The following ZNF385D variants were observed in gnomAD, a reference collection of about 807,000 sequenced individuals.
ZNF385D encodes zinc finger protein 385D, also known as zinc finger protein 659.
ZNF385D carries 15 observed loss-of-function variants against 35.8 expected under a neutral mutation model. The observed-to-expected ratio is 0.42, with a 90% CI of 0.28 to 0.64. The LOEUF (loss-of-function observed/expected upper bound fraction) is 0.64. Ranked by LOEUF, ZNF385D falls within the 30% of genes least tolerant of loss-of-function variation. The probability of loss-of-function intolerance (pLI) is 0.23; values close to 1 mark genes in which losing one functional copy is unlikely to be tolerated. For synonymous variants in ZNF385D, 212 were observed against 186.8 expected (o/e 1.13, Z -1.10); for missense variants, 474 against 494.6 (o/e 0.96, Z 0.39).
intron 4 of ZNF385D, among the ~76,000 whole-genome samples, chr3:21,446,659 A>G (rs1702171527): frequency 6.6e-6 from 1 of 151,546 alleles, no homozygotes; most frequent in African/African-American, 2.4e-5. Flanking sequence ...ACACCTGGCT[A>G]ATTTTTGTAT....
At chr3:22,081,892 C>G (rs969636343) in intron 3 of ZNF385D, among the ~76,000 whole-genome samples, 1 of 151,932 alleles carries the variant, frequency 6.6e-6, no homozygotes. Flanking sequence ...TATAAATGAT[C>G]TTAGCTAACA....
At chr3:21,752,470 T>G (rs1051312590), upstream of ZNF385D, among the ~76,000 whole-genome samples, 1 of 152,192 alleles carries the variant, frequency 6.6e-6, no homozygotes, top group African/African-American at 2.4e-5. Context: ...CTATATCTCT[T>G]GGTGGATTTA....
chr3:21,586,737 A>G (rs1227360349), intron 2 of ZNF385D, among the ~76,000 whole-genome samples: 1 of 142,404 alleles, frequency 7.0e-6, no homozygotes, highest in Non-Finnish European at 1.5e-5. Flanking sequence ...TCAAGGATGG[A>G]TATGTAACCT....
chr3:21,988,492 G>A (rs930340321), intron 3 of ZNF385D, among the ~76,000 whole-genome samples: 3 of 142,162 alleles, frequency 2.1e-5, no homozygotes, highest in African/African-American at 7.4e-5. Flanking sequence ...GGGGTCAGGG[G>A]TCAGGGACCC....
At chr3:22,359,946 T>A (rs1696339192) in intron 2 of ZNF385D, among the ~76,000 whole-genome samples, 1 of 151,902 alleles carries the variant, frequency 6.6e-6, no homozygotes, top group East Asian at 1.9e-4. Context: ...TTTACATGTA[T>A]AATTGAGTTC....
intron 4 of ZNF385D, 44 bp downstream of exon 4, chr3:21,510,817 A>AACG (rs778311764): frequency 6.8e-6 from 11 of 1,608,712 alleles, no homozygotes; most frequent in South Asian, 2.2e-5. Context: ...GGGAATCCCC[A>AACG]ACGACGACGA....
At chr3:22,067,581 T>G (rs1315754166) in intron 3 of ZNF385D, among the ~76,000 whole-genome samples, 1 of 152,202 alleles carries the variant, frequency 6.6e-6, no homozygotes, top group African/African-American at 2.4e-5. Flanking sequence ...AACACTAAAG[T>G]TAACTCAGAG....
chr3:21,604,543 G>GT (rs1419110847), intron 2 of ZNF385D, among the ~76,000 whole-genome samples: 2 of 152,186 alleles, frequency 1.3e-5, no homozygotes, highest in Non-Finnish European at 2.9e-5. Context: ...TAAGAGAAAA[G>GT]TAAGAGTATT....
At chr3:22,147,749 G>C (rs376313259) in intron 3 of ZNF385D, among the ~76,000 whole-genome samples, 1 of 152,150 alleles carries the variant, frequency 6.6e-6, no homozygotes, top group African/African-American at 2.4e-5. Flanking sequence ...TCTCCACAAT[G>C]AAAGAGTTAG....
At chr3:21,950,642 A>AT (rs1487720766) in intron 3 of ZNF385D, among the ~76,000 whole-genome samples, 3 of 151,608 alleles carry the variant, frequency 2.0e-5, no homozygotes, top group African/African-American at 7.3e-5. Flanking sequence ...CCTAAATGGT[A>AT]TTGCCTAGGT....
chr3:22,161,099 T>C (rs551964826), intron 3 of ZNF385D, among the ~76,000 whole-genome samples: 226 of 152,212 alleles, frequency 1.5e-3, no homozygotes, highest in African/African-American at 5.1e-3. Flanking sequence ...TTTTCCATTA[T>C]AGAATATATC....
rs1347836282 is a variant in ZNF385D at position 21,998,259 on chromosome 3, G to T, written c.325+170558C>A. Among the ~76,000 whole-genome samples, 4 of 152,234 alleles carry T rather than the reference G, an allele frequency of 2.6e-5. No individual in the cohort carries two copies. The East Asian group carries it at 7.7e-4, about 29-fold the overall frequency. ...AATCCATGAGTGCTACTCTGCCTATGTGATAACTCTGCCCTGTCTATGGAC... is the reference window on the plus strand; with the variant it reads ...AATCCATGAGTGCTACTCTGCCTATTTGATAACTCTGCCCTGTCTATGGAC... On this transcript the variant is annotated intron_variant, in intron 3 of 5. Coordinates refer to the ZNF385D transcript ENST00000494108.
chr3:21,732,316 T>G (rs2069058387), intron 1 of ZNF385D, among the ~76,000 whole-genome samples: 1 of 152,094 alleles, frequency 6.6e-6, no homozygotes, highest in African/African-American at 2.4e-5. Flanking sequence ...CCTCTCAAAG[T>G]GCTGGGATTA....
chr3:21,963,674 T>A (rs1002570018), intron 3 of ZNF385D, among the ~76,000 whole-genome samples: 1 of 152,156 alleles, frequency 6.6e-6, no homozygotes, highest in African/African-American at 2.4e-5. Context: ...ATACAAGACA[T>A]CTCTTTATAT....
intron 3 of ZNF385D, among the ~76,000 whole-genome samples, chr3:21,921,467 C>A (rs1398001566): frequency 1.3e-5 from 2 of 152,058 alleles, no homozygotes; most frequent in Admixed American, 1.3e-4. Context: ...AGACAAAAGA[C>A]AGAGGTCCTT....
chr3:21,994,934 T>G (rs1476574019), intron 3 of ZNF385D, among the ~76,000 whole-genome samples: 1 of 152,212 alleles, frequency 6.6e-6, no homozygotes, highest in Non-Finnish European at 1.5e-5. Context: ...GCAACAGCAG[T>G]GGGCTGGGTG....
intron 3 of ZNF385D, among the ~76,000 whole-genome samples, chr3:21,921,724 C>T (rs1700472380): frequency 6.6e-6 from 1 of 151,356 alleles, no homozygotes; most frequent in African/African-American, 2.4e-5. Flanking sequence ...TCTACGCTCA[C>T]AAACTAGAAA....
At chr3:21,507,078 T>G (rs913083931) in intron 4 of ZNF385D, among the ~76,000 whole-genome samples, 1 of 152,194 alleles carries the variant, frequency 6.6e-6, no homozygotes, top group African/African-American at 2.4e-5. Flanking sequence ...TTATTTATAC[T>G]AATAAATAAT....
chr3:22,368,711 G>C (rs1696768477), intron 2 of ZNF385D, among the ~76,000 whole-genome samples: 1 of 152,042 alleles, frequency 6.6e-6, no homozygotes, highest in East Asian at 1.9e-4. Flanking sequence ...TCCCATTACA[G>C]GGGCTCTACC....
Sources: allele counts gnomAD v4.1 joint callset (sites outside exome capture counted in the v4.1 genomes callset), GRCh38; gene constraint gnomAD v4.1.1; transcripts MANE v1.5; gene names NCBI Gene and HGNC (gene_info 2026-07-23, HGNC 2026-07-21).